PTPRD: variants seen among roughly 807,000 people sequenced by gnomAD.
PTPRD encodes receptor-type tyrosine-protein phosphatase delta.
Under a neutral mutation model 214.5 loss-of-function variants are expected in PTPRD, and 34 were observed. The observed-to-expected ratio is 0.16, with a 90% CI of 0.12 to 0.21. The LOEUF (loss-of-function observed/expected upper bound fraction) is 0.21, where lower values mean the gene tolerates loss of function less well. Among genes scored for constraint, PTPRD ranks in the 10% least tolerant of loss-of-function variants. The pLI is 1.00. For missense variants in PTPRD, 2,545 were observed against 2,398.7 expected (o/e 1.06, Z -1.27); for synonymous variants, 1,128 against 845.7 (o/e 1.33, Z -5.79).
At chr9:10,436,451 G>A (rs618288) in intron 2 of PTPRD, among the ~76,000 whole-genome samples, 23,493 of 151,588 alleles carry the variant, frequency 0.15, 2,481 homozygotes, top group East Asian at 0.49. Context: ...GTGACAATTT[G>A]TAAGACAGGA....
intron 11 of PTPRD, among the ~76,000 whole-genome samples, chr9:8,999,203 T>C (rs116055495): frequency 0.01 from 1,586 of 152,186 alleles, 29 homozygotes; most frequent in African/African-American, 0.035. Flanking sequence ...GGTATAATGC[T>C]ATCAAACACC....
chr9:9,151,243 C>T (rs1301826422), intron 10 of PTPRD, among the ~76,000 whole-genome samples: 1 of 152,076 alleles, frequency 6.6e-6, no homozygotes, highest in African/African-American at 2.4e-5. Context: ...TTGGGCATCT[C>T]CTGCTCCTAC....
intron 34 of PTPRD, among the ~76,000 whole-genome samples, chr9:8,445,655 C>A (rs1203755933): frequency 6.6e-6 from 1 of 152,132 alleles, no homozygotes; most frequent in Non-Finnish European, 1.5e-5. Flanking sequence ...TATCCTGAAT[C>A]TAGTCCTATT....
At position 10,408,077 on chromosome 9, in the gene PTPRD, G is replaced by T. The variant is rs537384044; in HGVS notation, c.-599-67060C>A. ...GGGTAGAACATTATAGTTTACTATG[G>T]TGATGAACCCCATGGCATTTCCCTG... On this transcript the variant is annotated intron_variant, in intron 2 of 45. Transcript: ENST00000381196. Among the ~76,000 whole-genome samples the T allele has an allele frequency of 1.3e-4, 20 of 151,514 alleles. 1 individual carries two copies. Among genetic ancestry groups the T allele is most frequent in the Non-Finnish European group, 2.1e-4 (14 of 67,708 alleles).
At chr9:9,072,231 G>T (rs493588) in intron 10 of PTPRD, among the ~76,000 whole-genome samples, 108,208 of 151,106 alleles carry the variant, frequency 0.72, 39,173 homozygotes, top group Non-Finnish European at 0.78. Context: ...AGTAGGGTTA[G>T]AATCTCAGAA....
rs2096822392 is a variant in PTPRD at position 10,020,257 on chromosome 9, T to A, written c.-472+13461A>T. On this transcript the variant is annotated intron_variant, in intron 4 of 45. Coordinates refer to ENST00000381196, the MANE Select transcript of PTPRD (RefSeq NM_002839.4). ...GAACCAACAATTTGGCACCGCACAA[T>A]ACTATCCCCTAGCTTAGGTGTATAT... 2.0e-5 allele frequency among the ~76,000 whole-genome samples: 3 copies of A among 152,206 alleles called. No individual in the cohort carries two copies. In the South Asian group the frequency reaches 6.2e-4, roughly 31 times the overall value.
chr9:10,498,138 T>C (rs948505387), intron 2 of PTPRD, among the ~76,000 whole-genome samples: 1 of 151,958 alleles, frequency 6.6e-6, no homozygotes, highest in African/African-American at 2.4e-5. Context: ...TTGGTTGAAC[T>C]CCCTTTAGGA....
intron 14 of PTPRD, among the ~76,000 whole-genome samples, chr9:8,535,643 T>A (rs770367080): frequency 4.0e-5 from 6 of 151,824 alleles, no homozygotes; most frequent in Non-Finnish European, 2.9e-5. Context: ...TCTTGGGGAG[T>A]AGGTCATGTT....
intron 10 of PTPRD, among the ~76,000 whole-genome samples, chr9:9,117,220 G>GTTT (rs77848911): frequency 2.2e-5 from 3 of 134,276 alleles, no homozygotes; most frequent in Non-Finnish European, 3.2e-5. Flanking sequence ...AGGAAATTAA[G>GTTT]TTTTTTTTTT....
At chr9:10,134,029 G>A (rs1400082409) in intron 3 of PTPRD, among the ~76,000 whole-genome samples, 1 of 152,046 alleles carries the variant, frequency 6.6e-6, no homozygotes, top group African/African-American at 2.4e-5. Flanking sequence ...AGCACAGGTT[G>A]GGCAGTCTCC....
intron 42 of PTPRD, 34 bp from the exon 43 acceptor site, chr9:8,339,081 A>G (rs780434157): frequency 6.3e-7 from 1 of 1,594,082 alleles, no homozygotes; most frequent in East Asian, 2.3e-5. Flanking sequence ...TAAACTATGC[A>G]AAGTATAAAG....
At chr9:9,392,357 T>C (rs554306995) in intron 9 of PTPRD, among the ~76,000 whole-genome samples, 1 of 152,274 alleles carries the variant, frequency 6.6e-6, no homozygotes, top group South Asian at 2.1e-4. Flanking sequence ...TACAGATAGG[T>C]CATTGGTAAC....
chr9:8,936,747 G>T (rs80022092), intron 11 of PTPRD, among the ~76,000 whole-genome samples: 18,975 of 152,036 alleles, frequency 0.12, 1,438 homozygotes, highest in Non-Finnish European at 0.17. Context: ...GAGTGATTCT[G>T]TTTTCTTACT....
At chr9:8,548,952 A>G (rs934691475) in intron 14 of PTPRD, among the ~76,000 whole-genome samples, 11 of 151,992 alleles carry the variant, frequency 7.2e-5, no homozygotes, top group African/African-American at 2.7e-4. Context: ...CGGCCTCACA[A>G]AGTGATGGGA....
rs148249818 is a variant in PTPRD, at chr9:8,943,518, C to T, written c.-104+75179G>A. The stretch of plus-strand genomic sequence containing the variant: ...TTGACAACGGTGCCAAGAACATACA[C>T]TGTGGAAAGGACAGTTTCTTCAATA... On this transcript the variant is annotated intron_variant, in intron 11 of 45. Coordinates refer to ENST00000381196, the MANE Select transcript of PTPRD (RefSeq NM_002839.4). Among the ~76,000 whole-genome samples, 153 of 151,588 alleles carry T rather than the reference C, an allele frequency of 1.0e-3. 1 individual carries two copies. Among genetic ancestry groups the T allele is most frequent in the Middle Eastern group, 3.4e-3 (1 of 294 alleles).
chr9:10,516,085 A>T (rs1415766672), intron 2 of PTPRD, among the ~76,000 whole-genome samples: 1 of 151,898 alleles, frequency 6.6e-6, no homozygotes. Context: ...ATTTTGAACA[A>T]ATATCCAAAA....
intron 11 of PTPRD, among the ~76,000 whole-genome samples, chr9:8,978,266 A>T (rs1356666639): frequency 6.6e-6 from 1 of 152,110 alleles, no homozygotes; most frequent in Non-Finnish European, 1.5e-5. Flanking sequence ...ATGCATGGAC[A>T]ACATTCTTCA....
chr9:9,949,510 G>C lies in PTPRD; in HGVS notation c.-471-10900C>G, dbSNP rs566771077. On this transcript the variant is annotated intron_variant, in intron 4 of 45. Coordinates refer to ENST00000381196, the MANE Select transcript of PTPRD (RefSeq NM_002839.4). Reference sequence around the variant, plus strand: ...ATGTGGATACTTCTTCTTTGCAACAGCCCTCGTAGGGAGTTAATGATTTAT... The same window carrying C: ...ATGTGGATACTTCTTCTTTGCAACACCCCTCGTAGGGAGTTAATGATTTAT... Among the ~76,000 whole-genome samples the C allele has an allele frequency of 1.2e-4, 19 of 152,102 alleles. No individual in the cohort carries two copies. In the South Asian group the frequency reaches 3.9e-3, roughly 32 times the overall value.
At chr9:9,220,746 G>T (rs1007886553) in intron 9 of PTPRD, among the ~76,000 whole-genome samples, 1 of 151,948 alleles carries the variant, frequency 6.6e-6, no homozygotes, top group African/African-American at 2.4e-5. Flanking sequence ...TAGGAATGTG[G>T]GTAACTTAGG....
Sources: allele counts gnomAD v4.1 joint callset (sites outside exome capture counted in the v4.1 genomes callset), GRCh38; gene constraint gnomAD v4.1.1; transcripts MANE v1.5; gene names NCBI Gene and HGNC (gene_info 2026-07-23, HGNC 2026-07-21).